Variants in HROB observed in about 807,000 individuals in gnomAD.
The protein encoded by HROB is homologous recombination factor with OB-fold.
In HROB, 44 loss-of-function variants were observed where a neutral mutation model predicts 61.0. The ratio of observed to expected loss-of-function variants is 0.72; its 90% CI spans 0.57 to 0.93. The LOEUF is 0.93. Among genes scored for constraint, HROB ranks in the 40% least tolerant of loss-of-function variants. HROB has a pLI of 0.00. For synonymous variants in HROB, 301 were observed against 310.4 expected, an observed-to-expected ratio of 0.97 and a Z score of 0.32; for missense variants, 716 against 796.2, an observed-to-expected ratio of 0.90 and a Z score of 1.21.
At chr17:44,159,329 A>G (rs2054063016) in intron 9 of HROB, among the ~76,000 whole-genome samples, 1 of 152,228 alleles carries the variant, frequency 6.6e-6, no homozygotes, top group Admixed American at 6.6e-5. Flanking sequence ...TATTATTATT[A>G]TAACTGAGAA....
rs2143773460 is a variant in HROB at position 44,141,939 on chromosome 17, G to T, written c.-204G>T. The T allele has an allele frequency of 1.6e-6, 1 of 607,600 alleles. No homozygotes were observed. The highest frequency in any genetic ancestry group is 2.2e-5 in the South Asian group (1 of 44,866). The allele number at this position is 607,600 out of a possible 1,614,324, so 37.6% of individuals were successfully genotyped here. On this transcript the variant is annotated 5_prime_UTR_variant, in exon 1 of 10. Transcript: ENST00000585683. Reference sequence around the variant, plus strand: ...AAGGCGGAGACGCCCCAGTGGCGGCGTCTTCGAATGCGGCCTAAGGCGCCT... The same window carrying T: ...AAGGCGGAGACGCCCCAGTGGCGGCTTCTTCGAATGCGGCCTAAGGCGCCT...
intron 9 of HROB, among the ~76,000 whole-genome samples, chr17:44,159,666 G>A (rs1216956131): frequency 6.6e-6 from 1 of 152,240 alleles, no homozygotes; most frequent in Non-Finnish European, 1.5e-5. Context: ...AGTCAAGCAA[G>A]TCACGTGTCC....
intron 2 of HROB, among the ~76,000 whole-genome samples, chr17:44,146,328 G>A (rs1435164285): frequency 1.3e-5 from 2 of 152,194 alleles, no homozygotes; most frequent in African/African-American, 2.4e-5. Context: ...GGGATTACAG[G>A]TGTGAGCCAG....
rs62078934 is a variant in HROB at position 44,157,851 on chromosome 17, C to A, written c.1789C>A (p.His597Asn). The change falls in exon 9 of 10, where the codon CAT becomes AAT. Residue 597 changes from histidine (H) to asparagine (N), a missense_variant. Coordinates refer to ENST00000585683, the MANE Select transcript of HROB (RefSeq NM_001171251.3). ...TCCCCAGGATTCAGGGAGCTTCCAG[C>A]ATGATGTGGCTGCAAAGCCCGAGGA... ...PFPKDSGSFQ[H>N]DVAAKPEEGF... 6.2e-7 allele frequency: 1 copy of A among 1,613,180 alleles called. No homozygotes were observed. Among genetic ancestry groups the A allele is most frequent in the Non-Finnish European group, 8.5e-7 (1 of 1,179,508 alleles).
At position 44,152,646 on chromosome 17, in the gene HROB, A is replaced by G. The variant is rs915230286; in HGVS notation, c.1318A>G (p.Ser440Gly). Reference protein sequence around the residue: ...LAKFQTEIVASSQASVEEDFG... With the variant: ...LAKFQTEIVAGSQASVEEDFG... Reference sequence around the variant, plus strand: ...TGCTCTGTGGTACCAGATTGTTGCTAGTTCCCAGGCATCTGTGGAGGAGGA... The same window carrying G: ...TGCTCTGTGGTACCAGATTGTTGCTGGTTCCCAGGCATCTGTGGAGGAGGA... The change falls in exon 5 of 10, where the codon AGT becomes GGT. Residue 440 changes from serine (S) to glycine (G), a missense_variant. Ser to Gly is a moderately conservative substitution (Grantham distance 56). Coordinates refer to ENST00000585683, the MANE Select transcript of HROB (RefSeq NM_001171251.3). 1.2e-5 allele frequency: 19 copies of G among 1,613,984 alleles called. No individual in the cohort carries two copies. The highest frequency in any genetic ancestry group is 1.5e-5 in the Non-Finnish European group (18 of 1,180,000).
chr17:44,142,171 T>C, intron 1 of HROB, 26 bp downstream of exon 1: 1 of 1,509,130 alleles, frequency 6.6e-7, no homozygotes, highest in Non-Finnish European at 8.8e-7. Context: ...GCTTGGGGGC[T>C]GGCGGGCCGC....
In HROB at chr17:44,162,182, C is replaced by A; in HGVS notation, c.*250C>A. 4.1e-6 allele frequency: 2 copies of A among 491,378 alleles called. No individual in the cohort carries two copies. Among genetic ancestry groups the A allele is most frequent in the South Asian group, 5.2e-5 (2 of 38,636 alleles). The allele number at this position is 491,378 out of a possible 1,614,324, so 30.4% of individuals were successfully genotyped here. A position where few individuals can be genotyped will look rare whatever the true frequency, so the allele number is the denominator to read the frequency against. On this transcript the variant is annotated 3_prime_UTR_variant, in exon 10 of 10. Coordinates refer to ENST00000585683, the MANE Select transcript of HROB (RefSeq NM_001171251.3). ...CTGGCTCTCCAGCCAACAAGAAAGG[C>A]CTGTCACCCTCGCCTTGGGTGTCCC...
chr17:44,141,990 C>A lies in HROB; in HGVS notation c.-153C>A. 1 of 1,100,950 alleles carries A rather than the reference C, an allele frequency of 9.1e-7. No homozygotes were observed. Among genetic ancestry groups the A allele is most frequent in the South Asian group, 1.5e-5 (1 of 64,954 alleles). 68.2% of individuals were successfully genotyped at this position (1,100,950 alleles called of 1,614,324 possible). A position where few individuals can be genotyped will look rare whatever the true frequency, so the allele number is the denominator to read the frequency against. On this transcript the variant is annotated 5_prime_UTR_variant, in exon 1 of 10. Coordinates refer to ENST00000585683, the MANE Select transcript of HROB (RefSeq NM_001171251.3). ...GCCGCCAGTCTCCTGGCGACTTTCC[C>A]TATATCGCAGAGACTCATCCCTCTG...
intron 9 of HROB, among the ~76,000 whole-genome samples, chr17:44,160,996 A>G (rs1468801106): frequency 6.6e-6 from 1 of 152,126 alleles, no homozygotes; most frequent in African/African-American, 2.4e-5. Flanking sequence ...AGGTCAAGAG[A>G]TCAAGACCAT....
intron 2 of HROB, among the ~76,000 whole-genome samples, chr17:44,145,884 T>C (rs1437633401): frequency 1.3e-5 from 2 of 152,226 alleles, no homozygotes; most frequent in African/African-American, 4.8e-5. Flanking sequence ...CTTCAACATT[T>C]ATTTTAAGTT....
At chr17:44,142,574 C>T (rs2053484999) in intron 1 of HROB, among the ~76,000 whole-genome samples, 1 of 150,846 alleles carries the variant, frequency 6.6e-6, no homozygotes, top group South Asian at 2.1e-4. Flanking sequence ...ACCCCTTTCA[C>T]TCTGACCCTT....
intron 2 of HROB, among the ~76,000 whole-genome samples, chr17:44,145,926 TA>T (rs2053596813): frequency 6.6e-6 from 1 of 152,200 alleles, no homozygotes; most frequent in African/African-American, 2.4e-5. Flanking sequence ...GTTACATAGG[TA>T]AACATGTGCC....
chr17:44,159,468 A>G (rs1010866573), intron 9 of HROB, among the ~76,000 whole-genome samples: 2 of 152,164 alleles, frequency 1.3e-5, no homozygotes, highest in East Asian at 3.9e-4. Context: ...GTATGCAGAG[A>G]CGAGAGATTA....
At chr17:44,149,515 C>T (rs1185801989) in intron 3 of HROB, among the ~76,000 whole-genome samples, 2 of 152,204 alleles carry the variant, frequency 1.3e-5, no homozygotes, top group African/African-American at 2.4e-5. Context: ...TCCCAAAGTG[C>T]TGGGATTATA....
chr17:44,161,957 A>G lies in HROB; in HGVS notation c.*25A>G, dbSNP rs1192886418. On this transcript the variant is annotated 3_prime_UTR_variant, in exon 10 of 10. Transcript: ENST00000585683. Reference sequence around the variant, plus strand: ...AGACTGCCCCAACGCAGGACAACCCACCATGAGCAGGCAGCTCTGGGCATG... The same window carrying G: ...AGACTGCCCCAACGCAGGACAACCCGCCATGAGCAGGCAGCTCTGGGCATG... The G allele has an allele frequency of 5.6e-6, 9 of 1,609,188 alleles. No homozygotes were observed. The South Asian group carries it at 7.7e-5, about 14-fold the overall frequency.
rs184354606 is a variant in HROB at position 44,156,800 on chromosome 17, T to A, written c.1771-1033T>A. 2.8e-4 allele frequency among the ~76,000 whole-genome samples: 43 copies of A among 152,210 alleles called. No homozygotes were observed. The East Asian group carries it at 7.2e-3, about 25-fold the overall frequency. On this transcript the variant is annotated intron_variant, in intron 8 of 9. Coordinates refer to ENST00000585683, the MANE Select transcript of HROB (RefSeq NM_001171251.3). ...GCCTCAGCCTCCTGAGTAGCTGGGA[T>A]TACAGGTGTGTGCCACCACACTCGG...
intron 7 of HROB, 34 bp downstream of exon 7, chr17:44,154,972 C>A: frequency 6.3e-7 from 1 of 1,597,934 alleles, no homozygotes; most frequent in South Asian, 1.1e-5. Context: ...CACTGCCCCC[C>A]GGATAGAGCC....
intron 8 of HROB, 118 bp downstream of exon 8, chr17:44,155,529 G>T (rs960174236): frequency 7.7e-6 from 11 of 1,433,968 alleles, no homozygotes; most frequent in Non-Finnish European, 1.0e-5. Context: ...GGTGCTCTGA[G>T]GTGAAAAGGT....
Position 44,157,301 on chromosome 17 carries a change from T to C in HROB, c.1771-532T>C, listed in dbSNP as rs148306091. Among the ~76,000 whole-genome samples the C allele has an allele frequency of 1.6e-3, 239 of 152,282 alleles. 4 individuals are homozygous for C. The East Asian group carries it at 0.023, about 15-fold the overall frequency. On this transcript the variant is annotated intron_variant, in intron 8 of 9. Coordinates refer to ENST00000585683, the MANE Select transcript of HROB (RefSeq NM_001171251.3). ...AAATCAGCCAAAAGAGGTTTGTTTT[T>C]TGTTTTGTTTATTATCTGCTGCTTT...
Sources: allele counts gnomAD v4.1 joint callset (sites outside exome capture counted in the v4.1 genomes callset), GRCh38; gene constraint gnomAD v4.1.1; transcripts MANE v1.5; gene names NCBI Gene and HGNC (gene_info 2026-07-23, HGNC 2026-07-21).